PAFAH2: variants seen among roughly 807,000 people sequenced by gnomAD.
PAFAH2 encodes platelet-activating factor acetylhydrolase 2, cytoplasmic.
In PAFAH2, 42 loss-of-function variants were observed where a neutral mutation model predicts 49.0. The observed-to-expected ratio is 0.86, with a 90% CI of 0.67 to 1.11. The LOEUF (loss-of-function observed/expected upper bound fraction) is 1.11. Among genes scored for constraint, PAFAH2 ranks in the 50% least tolerant of loss-of-function variants. The probability of loss-of-function intolerance (pLI) is 0.00; values close to 1 mark genes in which losing one functional copy is unlikely to be tolerated. For missense variants in PAFAH2, 503 were observed against 501.8 expected (o/e 1.00, Z -0.02); for synonymous variants, 184 against 181.3 (o/e 1.01, Z -0.12).
chr1:25,987,377 G>A (rs1257135853), intron 4 of PAFAH2, among the ~76,000 whole-genome samples: 1 of 152,130 alleles, frequency 6.6e-6, no homozygotes, highest in East Asian at 1.9e-4. Flanking sequence ...GCAACATTCT[G>A]GGACCTAAAC....
At chr1:25,975,624 C>A (rs1204021182) in intron 8 of PAFAH2, among the ~76,000 whole-genome samples, 1 of 152,062 alleles carries the variant, frequency 6.6e-6, no homozygotes, top group Non-Finnish European at 1.5e-5. Context: ...CTTTCCTTCA[C>A]CTCCCACATG....
rs1278635233 is a variant in PAFAH2 at position 25,961,900 on chromosome 1, A to C, written c.*89T>G. Reference sequence around the variant, plus strand: ...CAATCTGTGAAAAGGGGTCACGTTGATCACTTCTTGATAGGAGCTCATGGG... The same window carrying C: ...CAATCTGTGAAAAGGGGTCACGTTGCTCACTTCTTGATAGGAGCTCATGGG... On this transcript the variant is annotated 3_prime_UTR_variant, in exon 11 of 11. Coordinates refer to ENST00000374282, the MANE Select transcript of PAFAH2 (RefSeq NM_000437.4). 1 of 844,944 alleles carries C rather than the reference A, an allele frequency of 1.2e-6. No homozygotes were observed. Among genetic ancestry groups the C allele is most frequent in the Non-Finnish European group, 2.0e-6 (1 of 509,586 alleles). 52.3% of individuals were successfully genotyped at this position (844,944 alleles called of 1,614,324 possible).
At position 25,966,266 on chromosome 1, in the gene PAFAH2, G is replaced by A. The variant is rs528985484; in HGVS notation, c.1085-4183C>T. Among the ~76,000 whole-genome samples the A allele has an allele frequency of 2.1e-3, 327 of 152,204 alleles. 2 individuals are homozygous for A. Among genetic ancestry groups the A allele is most frequent in the African/African-American group, 7.0e-3 (289 of 41,512 alleles). On this transcript the variant is annotated intron_variant, in intron 10 of 10. Coordinates refer to ENST00000374282, the MANE Select transcript of PAFAH2 (RefSeq NM_000437.4). Reference sequence around the variant, plus strand: ...ATTTGATCCAGCAATCCCACTACTGGCTATCTACCCAAAGGGAAAGAAATC... The same window carrying A: ...ATTTGATCCAGCAATCCCACTACTGACTATCTACCCAAAGGGAAAGAAATC...
chr1:25,989,803 G>A (rs144790903), intron 2 of PAFAH2, among the ~76,000 whole-genome samples: 6 of 152,320 alleles, frequency 3.9e-5, no homozygotes, highest in East Asian at 1.9e-4. Context: ...TAAAGCTTAC[G>A]TTATTTCAAA....
rs909021373 is a variant in PAFAH2 at position 25,983,961 on chromosome 1, A to G, written c.537T>C (p.His179=). The part of the protein sequence containing the change: ...RRVEEGEKEF[H]VRNPQVHQRV... ...ACAAACTTACCTGGGGATTCCGAAC[A>G]TGAAATTCCTTCTCCCCTTCCTCAA... The change falls in exon 6 of 11, where the codon CAT becomes CAC. Residue 179 remains histidine (H), a synonymous_variant. Coordinates refer to ENST00000374282, the MANE Select transcript of PAFAH2 (RefSeq NM_000437.4). 8 of 1,614,002 alleles carry G rather than the reference A, an allele frequency of 5.0e-6. No individual in the cohort carries two copies. The highest frequency in any genetic ancestry group is 2.7e-5 in the African/African-American group (2 of 74,900).
rs879005093 is a variant in PAFAH2, at chr1:25,972,632, C to A, written c.1010G>T (p.Arg337Leu). The change falls in exon 10 of 11, where the codon CGT becomes CTT. Residue 337 changes from arginine to leucine, a missense_variant. Arg to Leu is a moderately radical substitution (Grantham distance 102). Coordinates refer to ENST00000374282, the MANE Select transcript of PAFAH2 (RefSeq NM_000437.4). ...CCCTTCATAGGGGTCCAGGCTCCCA[C>A]GGGTTTCAGTGGAGAAGAATTTACC... ...LIGKFFSTETRGSLDPYEGQE... is the reference protein window; with the variant it reads ...LIGKFFSTETLGSLDPYEGQE... 3.1e-6 allele frequency: 5 copies of A among 1,613,812 alleles called. No homozygotes were observed. Among genetic ancestry groups the A allele is most frequent in the Non-Finnish European group, 4.2e-6 (5 of 1,179,852 alleles).
chr1:25,982,982 A>G (rs1277389036), intron 6 of PAFAH2, among the ~76,000 whole-genome samples: 4 of 152,116 alleles, frequency 2.6e-5, no homozygotes, highest in African/African-American at 4.8e-5. Context: ...ATCCCTCTCC[A>G]GGATTTTTCA....
rs142650266 is a variant in PAFAH2, at chr1:25,972,558, C to A, written c.1084G>T (p.Asp362Tyr). 6 of 1,613,264 alleles carry A rather than the reference C, an allele frequency of 3.7e-6. No individual in the cohort carries two copies. The East Asian group carries it at 1.3e-4, about 36-fold the overall frequency. The change falls in exon 10 of 11, where the codon GAC (aspartate) becomes TAC (tyrosine). Residue 362 changes from aspartate to tyrosine, a missense_variant and splice_region_variant. Coordinates refer to ENST00000374282, the MANE Select transcript of PAFAH2 (RefSeq NM_000437.4). ...CCAAGAGCCCCAGTTTTCTCCTTAC[C>A]GAGGTGCTTCTGCAGGAAGGCCAAC... The part of the protein sequence containing the change: ...AMLAFLQKHL[D>Y]LKEDYNQWNN...
intron 10 of PAFAH2, among the ~76,000 whole-genome samples, chr1:25,969,873 C>A (rs1040081067): frequency 6.6e-6 from 1 of 152,094 alleles, no homozygotes; most frequent in African/African-American, 2.4e-5. Flanking sequence ...GAGGACCAGG[C>A]AGTCAGGCGC....
At chr1:25,962,809 G>A (rs1426043175) in intron 10 of PAFAH2, among the ~76,000 whole-genome samples, 1 of 147,686 alleles carries the variant, frequency 6.8e-6, no homozygotes, top group Non-Finnish European at 1.5e-5. Context: ...GCAACAGCAA[G>A]ACCATGTCTC....
intron 1 of PAFAH2, among the ~76,000 whole-genome samples, chr1:25,992,469 G>A (rs1462941448): frequency 6.6e-6 from 1 of 152,150 alleles, no homozygotes; most frequent in Non-Finnish European, 1.5e-5. Context: ...TGGTGCCAGT[G>A]CTCCCCTAAC....
chr1:25,981,454 C>T (rs1414126487), intron 7 of PAFAH2, among the ~76,000 whole-genome samples: 4 of 152,100 alleles, frequency 2.6e-5, no homozygotes, highest in South Asian at 2.1e-4. Flanking sequence ...TATACCCTCC[C>T]GGGAGGGTTC....
chr1:25,977,341 A>G (rs2049609268), intron 7 of PAFAH2, among the ~76,000 whole-genome samples: 1 of 148,718 alleles, frequency 6.7e-6, no homozygotes, highest in African/African-American at 2.4e-5. Context: ...ATAGTGGACC[A>G]GGGCAGACAT....
At chr1:25,976,807 A>G (rs1170888844) in intron 7 of PAFAH2, 34 bp from the exon 8 acceptor site, 1 of 1,536,378 alleles carries the variant, frequency 6.5e-7, no homozygotes, top group Non-Finnish European at 9.0e-7. Flanking sequence ...CAAGTCAGAA[A>G]CTCAGGACTG....
intron 1 of PAFAH2, among the ~76,000 whole-genome samples, chr1:25,996,746 A>G (rs1283137415): frequency 6.6e-6 from 1 of 152,264 alleles, no homozygotes; most frequent in Non-Finnish European, 1.5e-5. Flanking sequence ...GGAGGCAACT[A>G]TAATTATTTT....
chr1:25,991,008 T>C, intron 1 of PAFAH2, 145 bp from the exon 2 acceptor site: 1 of 544,332 alleles, frequency 1.8e-6, no homozygotes. Flanking sequence ...CACCTACTAC[T>C]TTGCTACATT....
At chr1:25,965,956 G>A (rs1308315069) in intron 10 of PAFAH2, among the ~76,000 whole-genome samples, 1 of 147,158 alleles carries the variant, frequency 6.8e-6, no homozygotes, top group African/African-American at 2.5e-5. Flanking sequence ...AGTGGACAAA[G>A]GACATGAATA....
chr1:25,973,786 T>C (rs893301960), intron 9 of PAFAH2, among the ~76,000 whole-genome samples: 5 of 152,152 alleles, frequency 3.3e-5, no homozygotes, highest in Non-Finnish European at 7.3e-5. Flanking sequence ...TCTGCTGAAA[T>C]AGGAACCAGA....
chr1:25,977,653 CAAA>C (rs534687608), intron 7 of PAFAH2, among the ~76,000 whole-genome samples: 3 of 60,460 alleles, frequency 5.0e-5, no homozygotes, highest in African/African-American at 6.2e-5. Context: ...ACCCTGTCTC[CAAA>C]AAAAAAAAAA....
Sources: allele counts gnomAD v4.1 joint callset (sites outside exome capture counted in the v4.1 genomes callset), GRCh38; gene constraint gnomAD v4.1.1; transcripts MANE v1.5; gene names NCBI Gene and HGNC (gene_info 2026-07-23, HGNC 2026-07-21).